The following WDR47 variants were observed in gnomAD, a reference collection of about 807,000 sequenced individuals.
WDR47 encodes WD repeat-containing protein 47.
Under a neutral mutation model 97.2 loss-of-function variants are expected in WDR47, and 32 were observed. The ratio of observed to expected loss-of-function variants is 0.33; its 90% CI spans 0.25 to 0.44. WDR47 has a LOEUF of 0.44. Ranked by LOEUF, WDR47 falls within the 20% of genes least tolerant of loss-of-function variation. The pLI, the probability that WDR47 is intolerant of heterozygous loss-of-function variation, is 1.00. For synonymous variants in WDR47, 375 were observed against 373.5 expected (o/e 1.00, Z -0.05); for missense variants, 782 against 1,102.3 (o/e 0.71, Z 4.11).
chr1:108,996,281 C>G (rs1166016542), intron 7 of WDR47, among the ~76,000 whole-genome samples: 2 of 152,162 alleles, frequency 1.3e-5, no homozygotes, highest in Non-Finnish European at 1.5e-5. Context: ...GTCCTTAACT[C>G]CTGGGTTCAA....
chr1:108,977,749 A>G (rs1260299634), intron 13 of WDR47, among the ~76,000 whole-genome samples: 3 of 151,664 alleles, frequency 2.0e-5, no homozygotes, highest in Non-Finnish European at 4.4e-5. Flanking sequence ...AATCGCTTGA[A>G]CCCAGGAGGC....
chr1:108,972,123 G>A (rs1657497229), intron 14 of WDR47, among the ~76,000 whole-genome samples: 1 of 151,896 alleles, frequency 6.6e-6, no homozygotes, highest in Non-Finnish European at 1.5e-5. Context: ...TGGTTTTCTT[G>A]CCTAAACCTG....
At chr1:108,977,650 G>A (rs566444922) in intron 13 of WDR47, among the ~76,000 whole-genome samples, 4 of 152,100 alleles carry the variant, frequency 2.6e-5, no homozygotes, top group Non-Finnish European at 4.4e-5. Flanking sequence ...TCAGAAGTTC[G>A]AGACCAGCCT....
In WDR47 at chr1:109,002,331, C is replaced by G; in HGVS notation, c.1326G>C (p.Gln442His). The G allele has an allele frequency of 6.2e-7, 1 of 1,613,318 alleles. No homozygotes were observed. Among genetic ancestry groups the G allele is most frequent in the African/African-American group, 1.3e-5 (1 of 75,050 alleles). Residue 442 changes from glutamine (Q) to histidine (H), a missense_variant, in exon 7 of 15, where the codon CAG becomes CAC. Gln to His is a conservative substitution (Grantham distance 24). Coordinates refer to ENST00000369962, the MANE Select transcript of WDR47 (RefSeq NM_001142551.2). Reference protein sequence around the residue: ...QRLRYQQHLEQKEQQRQIYQQ... With the variant: ...QRLRYQQHLEHKEQQRQIYQQ... ...GGTATATCTGCCGCTGTTGCTCCTT[C>G]TGTTCTAAATGCTGTTGATAGCGTA... is the stretch of plus-strand genomic sequence containing the variant.
At chr1:108,981,304 A>G (rs1305069986) in intron 13 of WDR47, among the ~76,000 whole-genome samples, 1 of 152,152 alleles carries the variant, frequency 6.6e-6, no homozygotes, top group Non-Finnish European at 1.5e-5. Flanking sequence ...GGGTACATAC[A>G]AACTTTCTGG....
intron 7 of WDR47, among the ~76,000 whole-genome samples, chr1:109,001,362 T>C (rs1660175349): frequency 6.6e-6 from 1 of 152,170 alleles, no homozygotes; most frequent in African/African-American, 2.4e-5. Context: ...TGTGTATATA[T>C]TTCTCCTATA....
At chr1:109,037,376 C>T (rs1557970271) in intron 1 of WDR47, among the ~76,000 whole-genome samples, 1 of 150,656 alleles carries the variant, frequency 6.6e-6, no homozygotes, top group Non-Finnish European at 1.5e-5. Context: ...TGGTGGCTCA[C>T]GCTTGTAATC....
intron 1 of WDR47, among the ~76,000 whole-genome samples, chr1:109,025,664 G>A (rs1425837850): frequency 1.3e-5 from 2 of 151,826 alleles, no homozygotes; most frequent in African/African-American, 2.4e-5. Context: ...AACCCAGGAG[G>A]CGGAGGTTGC....
intron 1 of WDR47, among the ~76,000 whole-genome samples, chr1:109,033,110 A>G (rs546983163): frequency 6.6e-6 from 1 of 152,042 alleles, no homozygotes; most frequent in South Asian, 2.1e-4. Context: ...CCTGGCCAAG[A>G]TGGTGAAACC....
chr1:108,985,823 T>C (rs1327942821), intron 10 of WDR47, among the ~76,000 whole-genome samples: 1 of 152,142 alleles, frequency 6.6e-6, no homozygotes, highest in Non-Finnish European at 1.5e-5. Flanking sequence ...ATTTTGCCAT[T>C]CTTTCTTAAG....
At chr1:109,024,558 C>T (rs543194246) in intron 1 of WDR47, among the ~76,000 whole-genome samples, 1 of 152,294 alleles carries the variant, frequency 6.6e-6, no homozygotes, top group Admixed American at 6.5e-5. Context: ...AGGTCTGCTA[C>T]AACTGAGCAC....
chr1:109,017,643 AG>A, intron 2 of WDR47, 42 bp from the exon 3 acceptor site: 2 of 1,502,652 alleles, frequency 1.3e-6, no homozygotes, highest in Non-Finnish European at 1.8e-6. Flanking sequence ...CACCAAATTC[AG>A]GTTATACTAA....
chr1:108,994,310 T>C (rs989692971), intron 8 of WDR47, among the ~76,000 whole-genome samples: 2 of 152,122 alleles, frequency 1.3e-5, no homozygotes, highest in African/African-American at 2.4e-5. Context: ...GGCAGGAGAA[T>C]TGTTTGAACC....
chr1:109,025,415 C>T (rs111662806), intron 1 of WDR47, among the ~76,000 whole-genome samples: 3,770 of 103,180 alleles, frequency 0.037, 62 homozygotes, highest in Non-Finnish European at 0.052. Flanking sequence ...TGGGCGGTAG[C>T]GTGAGACTCT....
chr1:109,003,213 A>G (rs1256805546), intron 6 of WDR47, among the ~76,000 whole-genome samples: 1 of 152,128 alleles, frequency 6.6e-6, no homozygotes, highest in Non-Finnish European at 1.5e-5. Context: ...TTGATCTTCT[A>G]CTTGGATGTT....
chr1:108,995,935 T>TA, intron 7 of WDR47, 98 bp from the exon 8 acceptor site: 1 of 1,190,608 alleles, frequency 8.4e-7, no homozygotes, highest in Non-Finnish European at 1.2e-6. Flanking sequence ...AATATGCACA[T>TA]ATAATATATA....
chr1:108,980,174 C>A (rs923561674), intron 13 of WDR47, among the ~76,000 whole-genome samples: 19 of 152,058 alleles, frequency 1.2e-4, no homozygotes, highest in Admixed American at 2.6e-4. Context: ...CTGGTGGGTG[C>A]CAAAAAGGTT....
rs1488302570 is a variant in WDR47, at chr1:108,971,110, GGAATGCATT to G, written c.*311_*319del. 1.7e-5 allele frequency: 4 copies of G among 229,332 alleles called. No individual in the cohort carries two copies. Among genetic ancestry groups the G allele is most frequent in the Non-Finnish European group, 3.4e-5 (4 of 117,866 alleles). 14.2% of individuals were successfully genotyped at this position (229,332 alleles called of 1,614,324 possible). On this transcript the variant is annotated 3_prime_UTR_variant, in exon 15 of 15. Coordinates refer to ENST00000369962, the MANE Select transcript of WDR47 (RefSeq NM_001142551.2). ...AAACTGTTATTTAGGCAAAGACCAA[GGAATGCATT>G]GAATACTAAACCGTAAACACATTGT...
At chr1:109,026,298 G>A (rs1557960116) in intron 1 of WDR47, among the ~76,000 whole-genome samples, 1 of 151,256 alleles carries the variant, frequency 6.6e-6, no homozygotes, top group Non-Finnish European at 1.5e-5. Context: ...CAATCCTCTC[G>A]CCTCGGCATC....
Sources: allele counts gnomAD v4.1 joint callset (sites outside exome capture counted in the v4.1 genomes callset), GRCh38; gene constraint gnomAD v4.1.1; transcripts MANE v1.5; gene names NCBI Gene and HGNC (gene_info 2026-07-23, HGNC 2026-07-21).